PLCB4: variants seen among roughly 807,000 people sequenced by gnomAD.
The protein encoded by PLCB4 is phospholipase C beta 4, also known as 1-phosphatidylinositol 4,5-bisphosphate phosphodiesterase beta-4.
PLCB4 carries 77 observed loss-of-function variants against 178.8 expected under a neutral mutation model. The observed-to-expected ratio is 0.43, with a 90% CI of 0.36 to 0.52. PLCB4 has a LOEUF of 0.52. PLCB4 is among the 20% of genes least tolerant of loss of function. The pLI is 0.00. For synonymous variants in PLCB4, 496 were observed against 490.8 expected, an observed-to-expected ratio of 1.01 and a Z score of -0.14; for missense variants, 1,024 against 1,453.4, an observed-to-expected ratio of 0.70 and a Z score of 4.80.
chr20:9,457,165 C>T (rs184075539), intron 33 of PLCB4, among the ~76,000 whole-genome samples: 228 of 152,176 alleles, frequency 1.5e-3, no homozygotes, highest in Non-Finnish European at 1.0e-3. Flanking sequence ...TGACAACAGC[C>T]CCTTAATGAT....
chr20:9,290,240 A>G (rs756084725), intron 3 of PLCB4, among the ~76,000 whole-genome samples: 5 of 152,006 alleles, frequency 3.3e-5, no homozygotes, highest in Non-Finnish European at 5.9e-5. Flanking sequence ...GTAACTGTTC[A>G]TTAGTACCGA....
Position 9,384,203 on chromosome 20 carries a change from C to T in PLCB4, c.856C>T (p.Leu286Phe), listed in dbSNP as rs773886321. 2.5e-6 allele frequency: 4 copies of T among 1,611,462 alleles called. No individual in the cohort carries two copies. The South Asian group carries it at 4.4e-5, about 18-fold the overall frequency. ...CTAAGATGTTCTTTTTCCCCTAGGC[C>T]TTATATCAAGTGATGGGTTTTGCAG... Reference protein sequence around the residue: ...EPDEDLKKKGLISSDGFCRYL... With the variant: ...EPDEDLKKKGFISSDGFCRYL... The change falls in exon 14 of 40, where the codon CTT (leucine) becomes TTT (phenylalanine). Residue 286 changes from leucine to phenylalanine, a missense_variant and splice_region_variant. Around this residue, in one of 7 missense-constraint regions of PLCB4, gnomAD observed 37 missense variants for 28.6 expected, o/e 1.30. Transcript: ENST00000378473.
intron 24 of PLCB4, 37 bp downstream of exon 24, chr20:9,409,218 G>T (rs1161088015): frequency 2.6e-6 from 4 of 1,550,566 alleles, no homozygotes; most frequent in Non-Finnish European, 3.5e-6. Flanking sequence ...AATTCCATGA[G>T]AACACTTTGA....
At chr20:9,088,106 C>T (rs1250361331) in intron 1 of PLCB4, among the ~76,000 whole-genome samples, 1 of 152,132 alleles carries the variant, frequency 6.6e-6, no homozygotes, top group Non-Finnish European at 1.5e-5. Context: ...AGCAGGCATC[C>T]AGGCAGGGAA....
At chr20:9,286,494 A>G (rs2094537668) in intron 3 of PLCB4, among the ~76,000 whole-genome samples, 1 of 152,042 alleles carries the variant, frequency 6.6e-6, no homozygotes, top group Non-Finnish European at 1.5e-5. Flanking sequence ...CTTTTGTCCC[A>G]TTGTCAAGAA....
At chr20:9,213,167 T>C (rs891807014) in intron 2 of PLCB4, among the ~76,000 whole-genome samples, 4 of 112,630 alleles carry the variant, frequency 3.6e-5, no homozygotes, top group Non-Finnish European at 4.9e-5. Context: ...TTAGACAAAG[T>C]CTCACTCTAT....
chr20:9,213,128 CTTTTTTTT>C (rs56785951), intron 2 of PLCB4, among the ~76,000 whole-genome samples: 5 of 35,724 alleles, frequency 1.4e-4, no homozygotes, highest in South Asian at 1.6e-3. Context: ...CGTTAGCATA[CTTTTTTTT>C]TTTTTTTTTT....
chr20:9,376,560 G>A (rs766884996), intron 12 of PLCB4, among the ~76,000 whole-genome samples: 2 of 152,102 alleles, frequency 1.3e-5, no homozygotes, highest in Admixed American at 6.6e-5. Flanking sequence ...GATAGCAGAG[G>A]CACTTAATGT....
intron 3 of PLCB4, among the ~76,000 whole-genome samples, chr20:9,219,399 G>A (rs758627096): frequency 3.3e-5 from 5 of 152,120 alleles, no homozygotes; most frequent in Non-Finnish European, 7.3e-5. Flanking sequence ...AACCCAGGAG[G>A]CGGAGCTTGC....
At chr20:9,205,049 C>T (rs1045793066) in intron 2 of PLCB4, among the ~76,000 whole-genome samples, 4 of 152,112 alleles carry the variant, frequency 2.6e-5, no homozygotes, top group Admixed American at 2.0e-4. Context: ...AATTTTTTCT[C>T]TTAACAATGG....
intron 3 of PLCB4, among the ~76,000 whole-genome samples, chr20:9,295,886 C>T (rs1378597866): frequency 6.6e-6 from 1 of 151,996 alleles, no homozygotes; most frequent in Non-Finnish European, 1.5e-5. Context: ...TTGGCTTAGA[C>T]CTAAAACCAT....
At chr20:9,221,386 T>C (rs1231335097) in intron 3 of PLCB4, among the ~76,000 whole-genome samples, 1 of 152,130 alleles carries the variant, frequency 6.6e-6, no homozygotes, top group African/African-American at 2.4e-5. Context: ...AAGAAGGTTT[T>C]TCTTAAGAAA....
intron 3 of PLCB4, among the ~76,000 whole-genome samples, chr20:9,227,129 T>A (rs932957500): frequency 6.6e-5 from 10 of 152,096 alleles, no homozygotes; most frequent in Non-Finnish European, 1.5e-5. Context: ...TTGCCCATTT[T>A]TTAAGTGGGT....
chr20:9,423,993 G>C, intron 28 of PLCB4, 41 bp downstream of exon 28: 30 of 1,180,362 alleles, frequency 2.5e-5, no homozygotes, highest in Non-Finnish European at 3.5e-5. Flanking sequence ...TATAGATGAG[G>C]TCCTAGATTA....
rs535183079 is a variant in PLCB4, at chr20:9,213,646, T to G, written c.-78-3744T>G. On this transcript the variant is annotated intron_variant, in intron 2 of 39. Coordinates refer to ENST00000378473, the MANE Select transcript of PLCB4 (RefSeq NM_001377142.1). ...ATTTTACATGTAATTTTTATATGGATATATGTTTTCATTTTTTCTTGGGTT... is the reference window on the plus strand; with the variant it reads ...ATTTTACATGTAATTTTTATATGGAGATATGTTTTCATTTTTTCTTGGGTT... 3.3e-5 allele frequency among the ~76,000 whole-genome samples: 5 copies of G among 152,344 alleles called. No individual in the cohort carries two copies. In the South Asian group the frequency reaches 8.3e-4, roughly 25 times the overall value.
intron 3 of PLCB4, among the ~76,000 whole-genome samples, chr20:9,225,653 C>T (rs965275420): frequency 6.6e-6 from 1 of 152,120 alleles, no homozygotes; most frequent in Non-Finnish European, 1.5e-5. Context: ...TGTTTCCTCA[C>T]CTGTTCCACA....
intron 33 of PLCB4, among the ~76,000 whole-genome samples, chr20:9,454,015 C>A (rs1295012564): frequency 6.6e-6 from 1 of 152,186 alleles, no homozygotes; most frequent in East Asian, 1.9e-4. Context: ...ACTCTGGGAT[C>A]ACCTCCAAAA....
chr20:9,174,145 GT>G (rs1182177621), intron 2 of PLCB4, among the ~76,000 whole-genome samples: 1 of 151,646 alleles, frequency 6.6e-6, no homozygotes, highest in African/African-American at 2.4e-5. Flanking sequence ...GTTTTGTTTT[GT>G]TTTTTTCTCC....
chr20:9,145,697 C>A (rs1261858948), intron 2 of PLCB4, among the ~76,000 whole-genome samples: 2 of 152,036 alleles, frequency 1.3e-5, no homozygotes, highest in African/African-American at 4.8e-5. Context: ...CGCACCCAAC[C>A]ATGCAATATT....
Sources: allele counts gnomAD v4.1 joint callset (sites outside exome capture counted in the v4.1 genomes callset), GRCh38; gene constraint gnomAD v4.1.1; regional missense constraint gnomAD v4.1.1; transcripts MANE v1.5; gene names NCBI Gene and HGNC (gene_info 2026-07-23, HGNC 2026-07-21).